Variants in TCF4 observed in about 807,000 individuals in gnomAD.
TCF4 encodes the protein SL3-3 enhancer factor 2.
Under a neutral mutation model 82.1 loss-of-function variants are expected in TCF4, and 3 were observed. That is an observed-to-expected ratio of 0.04 (90% CI 0.02 to 0.09). The LOEUF (loss-of-function observed/expected upper bound fraction) is 0.09. Ranked by LOEUF, TCF4 falls within the 10% of genes least tolerant of loss-of-function variation. The pLI is 1.00. For missense variants in TCF4, 518 were observed against 852.7 expected (o/e 0.61, Z 4.89); for synonymous variants, 276 against 309.6 (o/e 0.89, Z 1.14).
chr18:55,425,956 T>C (rs1401646290), intron 5 of TCF4, among the ~76,000 whole-genome samples: 2 of 152,166 alleles, frequency 1.3e-5, no homozygotes, highest in African/African-American at 4.8e-5. Flanking sequence ...CCTAGTGCTC[T>C]ACTTTATTCT....
At chr18:55,574,032 T>G (rs1164198576) in intron 3 of TCF4, among the ~76,000 whole-genome samples, 1 of 152,158 alleles carries the variant, frequency 6.6e-6, no homozygotes, top group Non-Finnish European at 1.5e-5. Flanking sequence ...ATGAGTACCA[T>G]CTACACATCC....
At chr18:55,235,071 G>C (rs1241186464) in intron 15 of TCF4, among the ~76,000 whole-genome samples, 1 of 152,032 alleles carries the variant, frequency 6.6e-6, no homozygotes, top group Non-Finnish European at 1.5e-5. Context: ...ATTGCTATCG[G>C]AAATCCTACA....
intron 8 of TCF4, among the ~76,000 whole-genome samples, chr18:55,309,836 C>T (rs2071710296): frequency 6.6e-6 from 1 of 152,048 alleles, no homozygotes; most frequent in Non-Finnish European, 1.5e-5. Flanking sequence ...GAGAGTGCAA[C>T]ACAGATAATC....
At chr18:55,349,182 A>G (rs1396503649) in intron 8 of TCF4, among the ~76,000 whole-genome samples, 1 of 152,160 alleles carries the variant, frequency 6.6e-6, no homozygotes, top group Non-Finnish European at 1.5e-5. Flanking sequence ...ATTTATGAAT[A>G]ATTTTGTGAT....
intron 3 of TCF4, chr18:55,518,872 A>G (rs2096908291): frequency 6.6e-6 from 1 of 152,170 alleles, no homozygotes; most frequent in Admixed American, 6.5e-5. Flanking sequence ...TTTAACAAGC[A>G]GAGGTGTCAC....
intron 5 of TCF4, among the ~76,000 whole-genome samples, chr18:55,447,405 T>A (rs537722656): frequency 6.6e-6 from 1 of 152,320 alleles, no homozygotes; most frequent in South Asian, 2.1e-4. Context: ...CCCAACTCTC[T>A]GAATTGTAAT....
chr18:55,227,678 A>AG lies in TCF4; in HGVS notation c.*356_*357insC. 6.7e-6 allele frequency: 1 copy of AG among 149,680 alleles called. No individual in the cohort carries two copies. 9.3% of individuals were successfully genotyped at this position (149,680 alleles called of 1,614,324 possible). On this transcript the variant is annotated 3_prime_UTR_variant, in exon 20 of 20. Transcript: ENST00000354452. The stretch of plus-strand genomic sequence containing the variant: ...TTTTTCAGACTTACAAATTAATTAT[A>AG]TTTTTTTTTTCCAAAAGAAGTTTAG...
intron 2 of TCF4, among the ~76,000 whole-genome samples, chr18:55,614,313 G>C (rs758785895): frequency 5.3e-5 from 8 of 152,138 alleles, no homozygotes; most frequent in Non-Finnish European, 8.8e-5. Flanking sequence ...ATATGGTTAG[G>C]TGTGTGTCTT....
chr18:55,246,991 C>CA (rs1434968513), intron 15 of TCF4, among the ~76,000 whole-genome samples: 1 of 152,198 alleles, frequency 6.6e-6, no homozygotes, highest in African/African-American at 2.4e-5. Context: ...CTCTCAAACT[C>CA]AGTTTGGTTC....
rs576477311 is a variant in TCF4, at chr18:55,524,375, A to G, written c.146-60238T>C. Among the ~76,000 whole-genome samples, 8 of 152,234 alleles carry G rather than the reference A, an allele frequency of 5.3e-5. No homozygotes were observed. In the East Asian group the frequency reaches 1.3e-3, roughly 26 times the overall value. ...TCTAATTCAATTTAAAAAAAAAACT[A>G]TGAGTTAACTAGGTCAGAAGTAGAA... On this transcript the variant is annotated intron_variant, in intron 3 of 19. Transcript: ENST00000354452.
At chr18:55,447,978 AC>A (rs2095555331) in intron 5 of TCF4, among the ~76,000 whole-genome samples, 1 of 113,384 alleles carries the variant, frequency 8.8e-6, no homozygotes, top group Non-Finnish European at 1.6e-5. Flanking sequence ...AAAATGAACA[AC>A]CCTATTGTTT....
chr18:55,258,866 CA>C lies in TCF4; in HGVS notation c.1069+1082del, dbSNP rs1252117533. On this transcript the variant is annotated intron_variant, in intron 13 of 19. Transcript: ENST00000354452. ...ACTGAACTCTAGTTTCTATTTCCAC[CA>C]GGGGGAACGTTTGATTATCCTCTTA... Among the ~76,000 whole-genome samples the C allele has an allele frequency of 3.9e-5, 6 of 152,164 alleles. No homozygotes were observed. In the South Asian group the frequency reaches 1.0e-3, roughly 26 times the overall value.
intron 2 of TCF4, among the ~76,000 whole-genome samples, chr18:55,628,992 C>T (rs2148000827): frequency 6.6e-6 from 1 of 152,270 alleles, no homozygotes; most frequent in Non-Finnish European, 1.5e-5. Flanking sequence ...TTTCTTTATA[C>T]ATTTATAAAT....
intron 5 of TCF4, among the ~76,000 whole-genome samples, chr18:55,419,051 C>A (rs753420823): frequency 6.6e-6 from 1 of 152,102 alleles, no homozygotes; most frequent in Non-Finnish European, 1.5e-5. Context: ...TTAAAATGTC[C>A]AGATGGTAAA....
intron 3 of TCF4, among the ~76,000 whole-genome samples, chr18:55,538,026 G>GCACACACACACACACACACACA (rs57686777): frequency 7.6e-6 from 1 of 131,504 alleles, no homozygotes; most frequent in African/African-American, 2.7e-5. Flanking sequence ...CTGCGCGCGC[G>GCACACACACACACACACACACA]CACACACACA....
intron 12 of TCF4, 39 bp from the exon 13 acceptor site, chr18:55,260,066 A>G: frequency 6.9e-7 from 1 of 1,440,928 alleles, no homozygotes; most frequent in East Asian, 2.3e-5. Context: ...ACCCTCATTC[A>G]TTAAAATAAT....
At chr18:55,511,049 C>T (rs1377110066) in intron 3 of TCF4, among the ~76,000 whole-genome samples, 1 of 152,104 alleles carries the variant, frequency 6.6e-6, no homozygotes, top group Non-Finnish European at 1.5e-5. Context: ...TTGTAAATTT[C>T]CTTCCTTTAC....
chr18:55,457,038 C>T (rs1240547193), intron 5 of TCF4, among the ~76,000 whole-genome samples: 1 of 152,206 alleles, frequency 6.6e-6, no homozygotes, highest in African/African-American at 2.4e-5. Flanking sequence ...CATGTATCTA[C>T]ACAATGAAAG....
chr18:55,327,369 T>C (rs527817834), intron 8 of TCF4, among the ~76,000 whole-genome samples: 2 of 152,256 alleles, frequency 1.3e-5, no homozygotes, highest in East Asian at 3.9e-4. Flanking sequence ...CTTGGCATCA[T>C]TTAGATATTC....
Sources: allele counts gnomAD v4.1 joint callset (sites outside exome capture counted in the v4.1 genomes callset), GRCh38; gene constraint gnomAD v4.1.1; transcripts MANE v1.5; gene names NCBI Gene and HGNC (gene_info 2026-07-23, HGNC 2026-07-21).